Variants in TDRD5 observed in about 807,000 individuals in gnomAD.
TDRD5 encodes tudor domain containing 5.
TDRD5 carries 41 observed loss-of-function variants against 120.6 expected under a neutral mutation model. That is an observed-to-expected ratio of 0.34 (90% CI 0.26 to 0.44). TDRD5 has a LOEUF of 0.44. Among genes scored for constraint, TDRD5 ranks in the 20% least tolerant of loss-of-function variants. TDRD5 has a pLI of 1.00. For missense variants in TDRD5, 1,006 were observed against 1,221.2 expected, an observed-to-expected ratio of 0.82 and a Z score of 2.63; for synonymous variants, 430 against 433.7, an observed-to-expected ratio of 0.99 and a Z score of 0.11.
chr1:179,689,446 G>A (rs1015983365), intron 17 of TDRD5, among the ~76,000 whole-genome samples: 6 of 151,566 alleles, frequency 4.0e-5, no homozygotes, highest in African/African-American at 1.4e-4. Flanking sequence ...GGCTGTATGA[G>A]GTGTCAATTG....
chr1:179,660,092 T>C (rs946968238), intron 14 of TDRD5, among the ~76,000 whole-genome samples: 5 of 152,280 alleles, frequency 3.3e-5, no homozygotes, highest in African/African-American at 1.2e-4. Context: ...ATGTTTTTAT[T>C]TTAGATCTGC....
At position 179,690,837 on chromosome 1, in the gene TDRD5, A is replaced by G. The variant is rs754427406; in HGVS notation, c.3002A>G (p.Tyr1001Cys). ...GAGTGCCAGATTTCTCAGAAGCTCT[A>G]CATTCCTCGAAGTACAGCCACTGCT... ...SYECQISQKL[Y>C]IPRSTATAAL... The change falls in exon 18 of 18, where the codon TAC becomes TGC. Residue 1001 changes from tyrosine to cysteine, a missense_variant. Tyr to Cys is a radical substitution (Grantham distance 194). Transcript: ENST00000444136. The G allele has an allele frequency of 3.1e-6, 5 of 1,614,202 alleles. No individual in the cohort carries two copies. Among genetic ancestry groups the G allele is most frequent in the Non-Finnish European group, 3.4e-6 (4 of 1,180,026 alleles).
At chr1:179,687,010 T>G (rs570856700) in intron 17 of TDRD5, among the ~76,000 whole-genome samples, 2 of 151,466 alleles carry the variant, frequency 1.3e-5, no homozygotes, top group South Asian at 4.1e-4. Context: ...GATTCATTGA[T>G]TTTTTGAAGG....
intron 11 of TDRD5, among the ~76,000 whole-genome samples, chr1:179,643,682 G>T (rs1026208747): frequency 6.6e-6 from 1 of 152,096 alleles, no homozygotes; most frequent in Admixed American, 6.6e-5. Flanking sequence ...AAGTGAAAAT[G>T]GACAGAGACT....
At chr1:179,659,654 G>T (rs1262475546) in intron 14 of TDRD5, among the ~76,000 whole-genome samples, 3 of 150,474 alleles carry the variant, frequency 2.0e-5, no homozygotes, top group Non-Finnish European at 4.4e-5. Context: ...TATATTTGAA[G>T]TAAGTTTCTT....
At chr1:179,663,536 G>A (rs1679420828) in intron 16 of TDRD5, 45 bp downstream of exon 16, 2 of 1,547,602 alleles carry the variant, frequency 1.3e-6, no homozygotes, top group South Asian at 1.2e-5. Flanking sequence ...GCATAAGGAA[G>A]TCCTTTCATT....
chr1:179,630,930 A>G lies in TDRD5; in HGVS notation c.1126+10A>G. 6.2e-7 allele frequency: 1 copy of G among 1,609,436 alleles called. No homozygotes were observed. The highest frequency in any genetic ancestry group is 8.5e-7 in the Non-Finnish European group (1 of 1,178,334). ...AAGCCTCTACCACCTGGTGAGTGGA[A>G]CCACAGTATGATGCAAACCTCATTT... On this transcript the variant is annotated intron_variant, in intron 7 of 17. Coordinates refer to ENST00000444136, the MANE Select transcript of TDRD5 (RefSeq NM_001199085.3).
intron 9 of TDRD5, 33 bp downstream of exon 9, chr1:179,635,920 CAT>C (rs764169607): frequency 1.3e-6 from 2 of 1,594,482 alleles, no homozygotes; most frequent in East Asian, 2.2e-5. Flanking sequence ...GTGTTTTTCA[CAT>C]GTCTCTTAAA....
At chr1:179,631,997 C>T (rs1280540672) in intron 7 of TDRD5, among the ~76,000 whole-genome samples, 2 of 151,694 alleles carry the variant, frequency 1.3e-5, no homozygotes, top group African/African-American at 4.8e-5. Flanking sequence ...ACCTCCGCCT[C>T]GCGGGTTCAT....
intron 9 of TDRD5, among the ~76,000 whole-genome samples, chr1:179,638,090 G>C (rs534221566): frequency 1.3e-5 from 2 of 152,166 alleles, no homozygotes; most frequent in East Asian, 1.9e-4. Flanking sequence ...AGTCAGGAAG[G>C]GGGAGAGAGT....
intron 6 of TDRD5, among the ~76,000 whole-genome samples, chr1:179,624,821 G>A (rs558852783): frequency 1.3e-5 from 2 of 152,106 alleles, no homozygotes; most frequent in Admixed American, 6.6e-5. Context: ...TAACATTAAT[G>A]TATGGATTCA....
At chr1:179,668,760 T>C (rs113550022) in intron 16 of TDRD5, among the ~76,000 whole-genome samples, 17 of 123,816 alleles carry the variant, frequency 1.4e-4, no homozygotes, top group African/African-American at 2.9e-4. Context: ...TTTTTTTTTT[T>C]GTGATGGAGT....
rs1205575100 is a variant in TDRD5 at position 179,593,719 on chromosome 1, A to G, written c.492A>G (p.Ser164=). Residue 164 remains serine, a synonymous_variant, in exon 3 of 18, where the codon TCA becomes TCG. Transcript: ENST00000444136. ...EKAFAKRFGR[S]FQYMQYGFLS... ...CATTTGCCAAAAGATTTGGACGATC[A>G]TTCCAATACATGCAATATGGATTTC... 3 of 1,614,264 alleles carry G rather than the reference A, an allele frequency of 1.9e-6. No homozygotes were observed. The highest frequency in any genetic ancestry group is 1.7e-6 in the Non-Finnish European group (2 of 1,180,052).
chr1:179,660,386 A>AT lies in TDRD5; in HGVS notation c.2323-1709dup, dbSNP rs201358944. 2.2e-3 allele frequency among the ~76,000 whole-genome samples: 333 copies of AT among 150,432 alleles called. 1 individual carries two copies. Among genetic ancestry groups the AT allele is most frequent in the African/African-American group, 6.8e-3 (280 of 41,040 alleles). ...AGGCACCCACCAGCACACCTGGCTA[A>AT]TTTTTTTTTATTTTCAGTAGAGACG... On this transcript the variant is annotated intron_variant, in intron 14 of 17. Transcript: ENST00000444136.
At position 179,592,642 on chromosome 1, in the gene TDRD5, A is replaced by G; in HGVS notation, c.27A>G (p.Glu9=). MSEQERIQ[E]CLRKEIRSLL... is the part of the protein sequence containing the mutation. The stretch of plus-strand genomic sequence containing the variant: ...TGTCTGAACAAGAGCGTATACAGGA[A>G]TGTCTGCGGAAGGAAATAAGGTCAC... Residue 9 remains glutamate, a synonymous_variant, in exon 2 of 18, where the codon GAA becomes GAG. Transcript: ENST00000444136. 1.9e-6 allele frequency: 3 copies of G among 1,614,088 alleles called. No homozygotes were observed. The highest frequency in any genetic ancestry group is 1.7e-6 in the Non-Finnish European group (2 of 1,180,020).
Position 179,650,951 on chromosome 1 carries a change from G to A in TDRD5, c.1885G>A (p.Asp629Asn). 1 of 1,614,180 alleles carries A rather than the reference G, an allele frequency of 6.2e-7. No individual in the cohort carries two copies. Among genetic ancestry groups the A allele is most frequent in the South Asian group, 1.1e-5 (1 of 91,082 alleles). ...PLVGVVDEYV[D>N]GILNIFLCDT... Reference sequence around the variant, plus strand: ...AGTGGGGGTAGTGGATGAATATGTAGATGGAATCCTTAACATTTTTTTGTG... The same window carrying A: ...AGTGGGGGTAGTGGATGAATATGTAAATGGAATCCTTAACATTTTTTTGTG... Residue 629 changes from aspartate to asparagine, a missense_variant, in exon 12 of 18, where the codon GAT (aspartate) becomes AAT (asparagine). By Grantham distance (23) the Asp-to-Asn change is conservative. Transcript: ENST00000444136.
At chr1:179,643,766 A>G (rs560127140) in intron 11 of TDRD5, among the ~76,000 whole-genome samples, 101 of 152,218 alleles carry the variant, frequency 6.6e-4, no homozygotes, top group Non-Finnish European at 1.3e-3. Context: ...GAGTTGAGAG[A>G]GAGAATAGGA....
chr1:179,656,517 T>A (rs2102078769), intron 14 of TDRD5, among the ~76,000 whole-genome samples: 1 of 152,326 alleles, frequency 6.6e-6, no homozygotes, highest in East Asian at 1.9e-4. Flanking sequence ...GTATAAGGCA[T>A]GAAATTTAGG....
intron 3 of TDRD5, 96 bp from the exon 4 acceptor site, chr1:179,595,532 C>T: frequency 9.5e-7 from 1 of 1,050,994 alleles, no homozygotes; most frequent in Non-Finnish European, 1.3e-6. Context: ...AAGTTGAAGG[C>T]AGTTAGCTCA....
Sources: allele counts gnomAD v4.1 joint callset (sites outside exome capture counted in the v4.1 genomes callset), GRCh38; gene constraint gnomAD v4.1.1; transcripts MANE v1.5; gene names NCBI Gene and HGNC (gene_info 2026-07-23, HGNC 2026-07-21).